Variants in STK32C observed in about 807,000 individuals in gnomAD.
STK32C encodes the protein serine/threonine-protein kinase 32C.
Under a neutral mutation model 56.5 loss-of-function variants are expected in STK32C, and 31 were observed. That is an observed-to-expected ratio of 0.55 (90% confidence interval 0.41 to 0.74). The LOEUF is 0.74. Among genes scored for constraint, STK32C ranks in the 30% least tolerant of loss-of-function variants. The pLI, the probability that STK32C is intolerant of heterozygous loss-of-function variation, is 0.00. For synonymous variants in STK32C, 309 were observed against 289.4 expected, an observed-to-expected ratio of 1.07 and a Z score of -0.69; for missense variants, 544 against 676.9, an observed-to-expected ratio of 0.80 and a Z score of 2.18.
Position 132,255,343 on chromosome 10 carries a change from C to T in STK32C, c.263-9388G>A, listed in dbSNP as rs983245575. 6.6e-6 allele frequency among the ~76,000 whole-genome samples: 1 copy of T among 152,282 alleles called. No homozygotes were observed. Among genetic ancestry groups the T allele is most frequent in the African/African-American group, 2.4e-5 (1 of 41,568 alleles). On this transcript the variant is annotated intron_variant, in intron 1 of 11. Transcript: ENST00000298630. The surrounding 1 kb of genome is among the most constrained non-coding windows in gnomAD (Gnocchi z 4.6). ...GCTCCTCCTGGCAATGGGTGCCCCCCACTCCCACTCCTCAGGTGCCCTGGC... is the reference window on the plus strand; with the variant it reads ...GCTCCTCCTGGCAATGGGTGCCCCCTACTCCCACTCCTCAGGTGCCCTGGC...
chr10:132,223,051 C>T, intron 8 of STK32C, 65 bp from the exon 9 acceptor site: 1 of 1,513,110 alleles, frequency 6.6e-7, no homozygotes, highest in Non-Finnish European at 8.9e-7. Context: ...TAGCCCGCCA[C>T]CCCCAGGCCA....
At chr10:132,225,866 C>G (rs1054042006) in intron 4 of STK32C, 82 bp from the exon 5 acceptor site, 5 of 1,573,540 alleles carry the variant, frequency 3.2e-6, no homozygotes, top group Middle Eastern at 2.0e-4. Context: ...TCCCTGGAGT[C>G]CCCAGGACAT....
chr10:132,331,545 G>A (rs1162843429), exon 1 of STK32C: 1 of 1,612,950 alleles, frequency 6.2e-7, no homozygotes, highest in Non-Finnish European at 8.5e-7. Flanking sequence ...CAAGATTTGG[G>A]GACAAGCAGC....
At chr10:132,288,313 C>A (rs1193313159) in intron 1 of STK32C, among the ~76,000 whole-genome samples, 2 of 152,144 alleles carry the variant, frequency 1.3e-5, no homozygotes, top group Non-Finnish European at 2.9e-5. Flanking sequence ...AGAAAGAACA[C>A]AAAAAGAACA....
intron 10 of STK32C, among the ~76,000 whole-genome samples, chr10:132,216,078 C>T (rs913871880): frequency 6.6e-6 from 1 of 152,292 alleles, no homozygotes; most frequent in East Asian, 1.9e-4. Context: ...GCAAAGCATT[C>T]AAGAGGTGAC....
Position 132,208,573 on chromosome 10 carries a change from C to T in STK32C, c.1320-422G>A, listed in dbSNP as rs76220880. Among the ~76,000 whole-genome samples the T allele has an allele frequency of 2.2e-3, 332 of 152,282 alleles. 1 individual carries two copies. Among genetic ancestry groups the T allele is most frequent in the African/African-American group, 7.7e-3 (321 of 41,548 alleles). ...CTCCTCCAGGAGGCCCTCCTTGCCC[C>T]GTGCGGGCAGAGGGAGCATCCATCC... On this transcript the variant is annotated intron_variant, in intron 11 of 11. Transcript: ENST00000298630.
rs572942876 is a variant in STK32C, at chr10:132,263,543, C to T, written c.263-17588G>A. Among the ~76,000 whole-genome samples the T allele has an allele frequency of 1.9e-4, 29 of 152,034 alleles. No individual in the cohort carries two copies. The South Asian group carries it at 4.6e-3, about 24-fold the overall frequency. On this transcript the variant is annotated intron_variant, in intron 1 of 11. Coordinates refer to ENST00000298630, the MANE Select transcript of STK32C (RefSeq NM_173575.4). ...TTGAACCCCAAACCTCAGCATCACG[C>T]AATATACCCAGGCAACGAACCTGCA... is the stretch of plus-strand genomic sequence containing the variant.
intron 1 of STK32C, among the ~76,000 whole-genome samples, chr10:132,280,939 G>A (rs1413519566): frequency 4.2e-5 from 6 of 143,982 alleles, no homozygotes; most frequent in Admixed American, 2.8e-4. Flanking sequence ...CCATGATCAC[G>A]CCACTGCACT....
chr10:132,253,607 G>A (rs1201984252), intron 1 of STK32C, among the ~76,000 whole-genome samples: 1 of 151,352 alleles, frequency 6.6e-6, no homozygotes, highest in African/African-American at 2.4e-5. Context: ...GGAGCTGGAG[G>A]GAGCCGAGGG....
At chr10:132,240,594 G>A (rs112797759) in intron 2 of STK32C, among the ~76,000 whole-genome samples, 55 of 152,274 alleles carry the variant, frequency 3.6e-4, no homozygotes, top group African/African-American at 1.3e-3. Context: ...AAGGACAGGC[G>A]GTTCCTCGGG....
intron 7 of STK32C, 37 bp from the exon 8 acceptor site, chr10:132,224,560 GGCC>G: frequency 1.3e-6 from 2 of 1,496,646 alleles, no homozygotes; most frequent in Non-Finnish European, 1.8e-6. Flanking sequence ...AGGTCCTCCT[GGCC>G]CCCAGGACAC....
chr10:132,222,893 C>T lies in STK32C; in HGVS notation c.1087G>A (p.Glu363Lys), dbSNP rs375257694. ...LAGVLWDHLS[E>K]KRVEPGFVPN... ...ACGAAGCCCGGCTCCACCCTCTTCT[C>T]GCTCAGGTGGTCCCACAGCACGCCG... The change falls in exon 9 of 12, where the codon GAG (glutamate) becomes AAG (lysine). Residue 363 changes from glutamate to lysine, a missense_variant. Physicochemically the swap from Glu to Lys is moderately conservative, Grantham distance 56 (BLOSUM62 1). Around this residue, in one of 3 missense-constraint regions of STK32C, gnomAD observed 277 missense variants for 309.3 expected, o/e 0.90. Transcript: ENST00000298630. The T allele has an allele frequency of 1.7e-5, 27 of 1,571,334 alleles. No individual in the cohort carries two copies. The highest frequency in any genetic ancestry group is 4.7e-5 in the East Asian group (2 of 42,222).
chr10:132,207,998 G>A lies in STK32C; in HGVS notation c.*12C>T, dbSNP rs778905586. On this transcript the variant is annotated 3_prime_UTR_variant, in exon 12 of 12. Coordinates refer to ENST00000298630, the MANE Select transcript of STK32C (RefSeq NM_173575.4). Reference sequence around the variant, plus strand: ...AAGCAGCTCAAGGGGTGAGGACCACGGGCGTCCCGGCCTAGCCGCTCCCGG... The same window carrying A: ...AAGCAGCTCAAGGGGTGAGGACCACAGGCGTCCCGGCCTAGCCGCTCCCGG... The A allele has an allele frequency of 2.4e-5, 31 of 1,303,062 alleles. No homozygotes were observed. The highest frequency in any genetic ancestry group is 8.5e-5 in the East Asian group (3 of 35,196). 80.7% of individuals were successfully genotyped at this position (1,303,062 alleles called of 1,614,324 possible).
chr10:132,223,213 C>T lies in STK32C; in HGVS notation c.994-227G>A, dbSNP rs145634623. Reference sequence around the variant, plus strand: ...CAAGGGACGCCTGTTCTCAGTGCTGCTACCTAAACCCCTGGCGCCAGAGGA... The same window carrying T: ...CAAGGGACGCCTGTTCTCAGTGCTGTTACCTAAACCCCTGGCGCCAGAGGA... On this transcript the variant is annotated intron_variant, in intron 8 of 11. Transcript: ENST00000298630. Among the ~76,000 whole-genome samples, 1,177 of 152,302 alleles carry T rather than the reference C, an allele frequency of 7.7e-3. 8 individuals carry two copies. The highest frequency in any genetic ancestry group is 0.024 in the Middle Eastern group (7 of 294).
chr10:132,274,145 T>C (rs888343962), intron 1 of STK32C, among the ~76,000 whole-genome samples: 7 of 152,320 alleles, frequency 4.6e-5, no homozygotes, highest in Admixed American at 3.9e-4. Flanking sequence ...TGCGGGGTCA[T>C]TGCTCAGGAC....
chr10:132,317,914 G>T (rs1299316969), intron 1 of STK32C, among the ~76,000 whole-genome samples: 1 of 146,974 alleles, frequency 6.8e-6, no homozygotes, highest in Non-Finnish European at 1.5e-5. Context: ...GGAGGCAAAG[G>T]TTGCAGTGAA....
intron 1 of STK32C, among the ~76,000 whole-genome samples, chr10:132,268,692 T>C: frequency 7.1e-6 from 1 of 141,206 alleles, no homozygotes. Flanking sequence ...TGCCTGTCTG[T>C]GCGCATGCAT....
intron 1 of STK32C, among the ~76,000 whole-genome samples, chr10:132,292,726 C>T (rs915915439): frequency 2.2e-4 from 34 of 152,082 alleles, no homozygotes; most frequent in Admixed American, 2.0e-3. Flanking sequence ...CTGGAATTAT[C>T]GAAAAAAAGA....
chr10:132,216,437 T>C (rs2062473294), intron 10 of STK32C, among the ~76,000 whole-genome samples: 2 of 140,360 alleles, frequency 1.4e-5, no homozygotes, highest in South Asian at 4.4e-4. Context: ...ACCACTGCAC[T>C]CCAGCCTGGG....
Sources: allele counts gnomAD v4.1 joint callset (sites outside exome capture counted in the v4.1 genomes callset), GRCh38; gene constraint gnomAD v4.1.1; regional missense constraint gnomAD v4.1.1; non-coding constraint Gnocchi (gnomAD v3.1); transcripts MANE v1.5; gene names NCBI Gene and HGNC (gene_info 2026-07-23, HGNC 2026-07-21).